The following TBC1D19 variants were observed in gnomAD, a reference collection of about 807,000 sequenced individuals.
TBC1D19 encodes the protein TBC1 domain family member 19.
TBC1D19 carries 60 observed loss-of-function variants against 89.0 expected under a neutral mutation model. That is an observed-to-expected ratio of 0.67 (90% CI 0.55 to 0.84). The LOEUF (loss-of-function observed/expected upper bound fraction) is 0.84. Among genes scored for constraint, TBC1D19 ranks in the 40% least tolerant of loss-of-function variants. The probability of loss-of-function intolerance (pLI) is 0.00; values close to 1 mark genes in which losing one functional copy is unlikely to be tolerated. For synonymous variants in TBC1D19, 189 were observed against 199.7 expected (o/e 0.95, Z 0.45); for missense variants, 500 against 610.8 (o/e 0.82, Z 1.91).
chr4:26,805,943 C>G, the TBC1D19 span, among the ~76,000 whole-genome samples: 2 of 152,134 alleles, frequency 1.3e-5, no homozygotes, highest in African/African-American at 4.8e-5. Context: ...TGCCCTCCAG[C>G]CTGGATGACA....
At chr4:26,629,487 G>A (rs1742654770) in intron 4 of TBC1D19, among the ~76,000 whole-genome samples, 1 of 151,976 alleles carries the variant, frequency 6.6e-6, no homozygotes, top group Admixed American at 6.6e-5. Flanking sequence ...CCAGCCCGTG[G>A]TAGATAATAG....
chr4:26,650,342 G>T (rs1017737063), intron 7 of TBC1D19, among the ~76,000 whole-genome samples: 3 of 152,112 alleles, frequency 2.0e-5, no homozygotes, highest in African/African-American at 7.2e-5. Context: ...GTGTAAAAGT[G>T]TTCCTATTTC....
At chr4:26,627,651 C>A (rs1230076232) in intron 4 of TBC1D19, among the ~76,000 whole-genome samples, 2 of 151,902 alleles carry the variant, frequency 1.3e-5, no homozygotes, top group Non-Finnish European at 1.5e-5. Flanking sequence ...TGATGGTGAG[C>A]ATTTTTTCAT....
At chr4:26,605,740 G>A (rs570348002) in intron 1 of TBC1D19, among the ~76,000 whole-genome samples, 20 of 152,166 alleles carry the variant, frequency 1.3e-4, no homozygotes, top group African/African-American at 4.6e-4. Context: ...TTTAATGATC[G>A]CCATTCTAAC....
At chr4:26,581,834 G>C (rs1030190261), upstream of TBC1D19, among the ~76,000 whole-genome samples, 3 of 152,142 alleles carry the variant, frequency 2.0e-5, no homozygotes, top group Non-Finnish European at 4.4e-5. Flanking sequence ...GCCATTTCTT[G>C]CCTAGAGCAG....
intron 18 of TBC1D19, among the ~76,000 whole-genome samples, chr4:26,743,920 A>C (rs1718508608): frequency 6.6e-6 from 1 of 151,692 alleles, no homozygotes; most frequent in East Asian, 1.9e-4. Context: ...TACTTTACTC[A>C]TTAAAAGAAA....
chr4:26,776,616 G>A, the TBC1D19 span, among the ~76,000 whole-genome samples: 4 of 152,102 alleles, frequency 2.6e-5, no homozygotes, highest in Admixed American at 1.3e-4. Flanking sequence ...TCTGAAGCTT[G>A]TTTTCTATTT....
the TBC1D19 span, among the ~76,000 whole-genome samples, chr4:26,769,254 A>G: frequency 6.6e-6 from 1 of 152,132 alleles, no homozygotes; most frequent in Admixed American, 6.6e-5. Context: ...GAGCTGAAAG[A>G]AATCTTTGCC....
At chr4:26,620,505 A>C in intron 3 of TBC1D19, 108 bp from the exon 4 acceptor site, 1 of 888,556 alleles carries the variant, frequency 1.1e-6, no homozygotes, top group Non-Finnish European at 1.7e-6. Context: ...TTTTGAATAT[A>C]AAATGAAATG....
At chr4:26,684,315 G>A (rs1713623352) in intron 12 of TBC1D19, among the ~76,000 whole-genome samples, 2 of 152,190 alleles carry the variant, frequency 1.3e-5, no homozygotes, top group East Asian at 3.9e-4. Context: ...AGAAAGCCAA[G>A]CACCAAAGCA....
the TBC1D19 span, among the ~76,000 whole-genome samples, chr4:26,790,038 AG>A: frequency 6.6e-6 from 1 of 152,204 alleles, no homozygotes; most frequent in African/African-American, 2.4e-5. Flanking sequence ...GAAGGGTGAG[AG>A]GGTGGAAGGA....
At chr4:26,800,215 C>T in the TBC1D19 span, among the ~76,000 whole-genome samples, 9 of 152,258 alleles carry the variant, frequency 5.9e-5, no homozygotes, top group East Asian at 1.7e-3. Flanking sequence ...TCCATGTGTT[C>T]TCATTGTTCA....
intron 13 of TBC1D19, among the ~76,000 whole-genome samples, chr4:26,689,288 GT>G (rs35455816): frequency 3.3e-5 from 5 of 151,810 alleles, no homozygotes; most frequent in Non-Finnish European, 7.4e-5. Flanking sequence ...AAAATTTTTT[GT>G]TTTTTTAAGT....
chr4:26,577,144 C>CT (rs1738989970), intron 1 of TBC1D19, among the ~76,000 whole-genome samples: 1 of 152,104 alleles, frequency 6.6e-6, no homozygotes, highest in Non-Finnish European at 1.5e-5. Flanking sequence ...CTGGTCTGTC[C>CT]TATGGATTTC....
At chr4:26,619,015 G>A (rs1741868627) in intron 3 of TBC1D19, among the ~76,000 whole-genome samples, 1 of 152,052 alleles carries the variant, frequency 6.6e-6, no homozygotes, top group Non-Finnish European at 1.5e-5. Flanking sequence ...GTTCACTTCT[G>A]TATCTCTTTT....
At chr4:26,651,525 G>A (rs1029331552) in intron 7 of TBC1D19, among the ~76,000 whole-genome samples, 1 of 152,052 alleles carries the variant, frequency 6.6e-6, no homozygotes, top group Non-Finnish European at 1.5e-5. Flanking sequence ...TCTGTTATTG[G>A]TGTATAAGAA....
chr4:26,728,932 C>A (rs1037997531), intron 15 of TBC1D19, among the ~76,000 whole-genome samples: 1 of 152,128 alleles, frequency 6.6e-6, no homozygotes, highest in Non-Finnish European at 1.5e-5. Context: ...GGAGAATGGC[C>A]TGAACCCGGG....
chr4:26,813,526 T>C, the TBC1D19 span, among the ~76,000 whole-genome samples: 1 of 152,210 alleles, frequency 6.6e-6, no homozygotes, highest in South Asian at 2.1e-4. Context: ...TAGACCCTGC[T>C]GGGGTGTGCT....
chr4:26,768,851 A>G, the TBC1D19 span, among the ~76,000 whole-genome samples: 2 of 152,120 alleles, frequency 1.3e-5, no homozygotes, highest in African/African-American at 4.8e-5. Flanking sequence ...ACAACCTAAT[A>G]TACTTGTAAT....
Sources: gnomAD v4.1 joint callset for allele counts (sites outside exome capture counted in the v4.1 genomes callset) on GRCh38, gnomAD v4.1.1 for gene constraint, MANE v1.5 for transcripts, NCBI Gene and HGNC (gene_info 2026-07-23, HGNC 2026-07-21) for gene names.